The following RGS7 variants were observed in gnomAD, a reference collection of about 807,000 sequenced individuals.
RGS7 encodes the protein regulator of G-protein signaling 7.
Under a neutral mutation model 81.1 loss-of-function variants are expected in RGS7, and 27 were observed. The ratio of observed to expected loss-of-function variants is 0.33; its 90% CI spans 0.25 to 0.46. RGS7 has a LOEUF of 0.46. RGS7 is among the 20% of genes least tolerant of loss of function. RGS7 has a pLI of 1.00. For synonymous variants in RGS7, 208 were observed against 207.7 expected (o/e 1.00, Z -0.01); for missense variants, 396 against 607.4 (o/e 0.65, Z 3.66).
At chr1:240,870,887 A>T (rs896998552) in intron 6 of RGS7, among the ~76,000 whole-genome samples, 5 of 152,190 alleles carry the variant, frequency 3.3e-5, no homozygotes, top group Non-Finnish European at 7.3e-5. Context: ...TTCATTTCAC[A>T]AGAGCCAATC....
In RGS7 at chr1:240,986,111, T is replaced by C. The variant is rs538271604; in HGVS notation, c.176-2982A>G. 2.6e-5 allele frequency among the ~76,000 whole-genome samples: 4 copies of C among 152,284 alleles called. No individual in the cohort carries two copies. The East Asian group carries it at 7.7e-4, about 29-fold the overall frequency. On this transcript the variant is annotated intron_variant, in intron 3 of 18. Coordinates refer to ENST00000440928, the MANE Select transcript of RGS7 (RefSeq NM_001364886.1). ...TGTGGAATTTTTTGAAATCACACTTTCACTGTAGCCTATGGAAAGTTTATA... is the reference window on the plus strand; with the variant it reads ...TGTGGAATTTTTTGAAATCACACTTCCACTGTAGCCTATGGAAAGTTTATA...
intron 9 of RGS7, among the ~76,000 whole-genome samples, chr1:240,851,226 G>C (rs1305908950): frequency 2.0e-5 from 3 of 152,180 alleles, no homozygotes; most frequent in South Asian, 4.1e-4. Flanking sequence ...TGAGGCTAAT[G>C]TTCATTGATC....
At chr1:240,894,020 G>T (rs1038799313) in intron 6 of RGS7, among the ~76,000 whole-genome samples, 2 of 152,126 alleles carry the variant, frequency 1.3e-5, no homozygotes, top group Non-Finnish European at 2.9e-5. Context: ...GATGGTCTGT[G>T]AATGGAAAAC....
intron 2 of RGS7, among the ~76,000 whole-genome samples, chr1:241,246,388 A>T (rs2076546591): frequency 6.6e-6 from 1 of 152,164 alleles, no homozygotes; most frequent in Non-Finnish European, 1.5e-5. Flanking sequence ...ATGGTTGTGA[A>T]ATTGAAATCC....
At chr1:240,799,168 A>C (rs988884167) in intron 18 of RGS7, among the ~76,000 whole-genome samples, 1 of 152,148 alleles carries the variant, frequency 6.6e-6, no homozygotes, top group African/African-American at 2.4e-5. Flanking sequence ...AAATAAAGGT[A>C]TTAAATAAAA....
intron 3 of RGS7, among the ~76,000 whole-genome samples, chr1:241,041,572 G>T (rs889980447): frequency 1.3e-5 from 2 of 152,088 alleles, no homozygotes; most frequent in Non-Finnish European, 2.9e-5. Flanking sequence ...TCCCTGTCTA[G>T]TGGCAAAGGT....
chr1:241,263,800 T>G (rs1246999625), intron 2 of RGS7, among the ~76,000 whole-genome samples: 4 of 152,186 alleles, frequency 2.6e-5, no homozygotes, highest in Non-Finnish European at 5.9e-5. Context: ...ACCTTACATT[T>G]ACCAAATTGT....
chr1:241,016,311 A>G lies in RGS7; in HGVS notation c.176-33182T>C, dbSNP rs370470905. Among the ~76,000 whole-genome samples, 22 of 152,280 alleles carry G rather than the reference A, an allele frequency of 1.4e-4. 1 individual carries two copies. The highest frequency in any genetic ancestry group is 6.2e-4 in the South Asian group (3 of 4,828). ...AAGGTGGTCTGATTATGAGGTCAAG[A>G]GAACAAGACCATCCTGGCCAACATC... On this transcript the variant is annotated intron_variant, in intron 3 of 18. Transcript: ENST00000440928.
At chr1:240,943,779 A>G (rs1045931175) in intron 4 of RGS7, among the ~76,000 whole-genome samples, 1 of 152,194 alleles carries the variant, frequency 6.6e-6, no homozygotes, top group Non-Finnish European at 1.5e-5. Context: ...TTACAAAACC[A>G]TACTGTGAAT....
intron 2 of RGS7, among the ~76,000 whole-genome samples, chr1:241,353,378 G>A (rs1410493392): frequency 6.6e-6 from 1 of 152,198 alleles, no homozygotes; most frequent in Non-Finnish European, 1.5e-5. Flanking sequence ...GTGATGTCAC[G>A]ATCTATGTCT....
intron 3 of RGS7, among the ~76,000 whole-genome samples, chr1:241,014,941 A>G (rs1426774954): frequency 1.3e-5 from 2 of 152,208 alleles, no homozygotes; most frequent in Non-Finnish European, 2.9e-5. Flanking sequence ...AAAATTTTTC[A>G]TGGGATTGAC....
intron 3 of RGS7, among the ~76,000 whole-genome samples, chr1:241,072,863 G>C (rs1238363188): frequency 6.6e-6 from 1 of 152,086 alleles, no homozygotes; most frequent in East Asian, 1.9e-4. Flanking sequence ...TCTATCCCAG[G>C]TCTTGCCACT....
At position 241,118,358 on chromosome 1, in the gene RGS7, G is replaced by A. The variant is rs115988639; in HGVS notation, c.79-19596C>T. Among the ~76,000 whole-genome samples the A allele has an allele frequency of 3.1e-3, 479 of 152,220 alleles. 7 individuals are homozygous for A. The highest frequency in any genetic ancestry group is 0.011 in the African/African-American group (442 of 41,538). On this transcript the variant is annotated intron_variant, in intron 2 of 18. Coordinates refer to ENST00000440928, the MANE Select transcript of RGS7 (RefSeq NM_001364886.1). ...TTTAATGCCAAACCTCTTGCCTTCCGCAAAGAGCTGTCTAACCTCATAGTT... is the reference window on the plus strand; with the variant it reads ...TTTAATGCCAAACCTCTTGCCTTCCACAAAGAGCTGTCTAACCTCATAGTT...
Position 241,299,529 on chromosome 1 carries a change from T to C in RGS7, c.78+56170A>G, listed in dbSNP as rs1027512600. Among the ~76,000 whole-genome samples, 7 of 151,992 alleles carry C rather than the reference T, an allele frequency of 4.6e-5. No homozygotes were observed. In the South Asian group the frequency reaches 1.5e-3, roughly 32 times the overall value. On this transcript the variant is annotated intron_variant, in intron 2 of 18. Transcript: ENST00000440928. The stretch of plus-strand genomic sequence containing the variant: ...TTGTATAGAAATTTCATCATCAGCT[T>C]TGGCTGCTATGGCAACTAGATATTT...
chr1:241,106,743 A>AAACCGC (rs2065130632), intron 2 of RGS7, among the ~76,000 whole-genome samples: 1 of 95,952 alleles, frequency 1.0e-5, no homozygotes, highest in African/African-American at 4.9e-5. Context: ...AAAAAAACCA[A>AAACCGC]CACCACCACC....
At chr1:240,958,048 C>G (rs772991816) in intron 4 of RGS7, among the ~76,000 whole-genome samples, 2 of 152,104 alleles carry the variant, frequency 1.3e-5, no homozygotes, top group Non-Finnish European at 2.9e-5. Flanking sequence ...CAAAAAGGCC[C>G]CTAGGCATGT....
intron 6 of RGS7, among the ~76,000 whole-genome samples, chr1:240,908,498 T>C (rs1267868556): frequency 6.6e-6 from 1 of 152,152 alleles, no homozygotes; most frequent in Non-Finnish European, 1.5e-5. Context: ...AATCAATCAA[T>C]CAACGTCTTT....
At chr1:241,059,536 A>G (rs1212945635) in intron 3 of RGS7, among the ~76,000 whole-genome samples, 2 of 152,192 alleles carry the variant, frequency 1.3e-5, no homozygotes, top group Non-Finnish European at 2.9e-5. Context: ...TCTCTCCCAG[A>G]AGGCCAAATT....
intron 9 of RGS7, among the ~76,000 whole-genome samples, chr1:240,828,931 C>T (rs919089988): frequency 6.6e-6 from 1 of 152,018 alleles, no homozygotes. Flanking sequence ...AAAAGTCTTC[C>T]GTGGAGTTGG....
Sources: gnomAD v4.1 joint callset for allele counts (sites outside exome capture counted in the v4.1 genomes callset) on GRCh38, gnomAD v4.1.1 for gene constraint, MANE v1.5 for transcripts, NCBI Gene and HGNC (gene_info 2026-07-23, HGNC 2026-07-21) for gene names.